ERAP2: variants seen among roughly 807,000 people sequenced by gnomAD.
The protein encoded by ERAP2 is endoplasmic reticulum aminopeptidase 2.
Under a neutral mutation model 111.1 loss-of-function variants are expected in ERAP2, and 118 were observed. The observed-to-expected ratio is 1.06, with a 90% CI of 0.92 to 1.24. The LOEUF (loss-of-function observed/expected upper bound fraction) is 1.24. ERAP2 is among the 50% of genes most tolerant of loss of function. The probability of loss-of-function intolerance (pLI) is 0.00; values close to 1 mark genes in which losing one functional copy is unlikely to be tolerated. For synonymous variants in ERAP2, 410 were observed against 401.2 expected (o/e 1.02, Z -0.26); for missense variants, 1,131 against 1,125.8 (o/e 1.00, Z -0.07).
chr5:96,877,481 T>C (rs938854953), intron 1 of ERAP2, among the ~76,000 whole-genome samples: 1 of 152,228 alleles, frequency 6.6e-6, no homozygotes, highest in South Asian at 2.1e-4. Context: ...AATAATTTCA[T>C]ATCCAACACT....
chr5:96,887,164 T>C (rs1166943543), intron 4 of ERAP2, among the ~76,000 whole-genome samples: 2 of 150,754 alleles, frequency 1.3e-5, no homozygotes, highest in African/African-American at 2.4e-5. Flanking sequence ...ATATTGACTA[T>C]TTTTAACCCA....
At chr5:96,877,888 C>T (rs1211455398) in intron 1 of ERAP2, among the ~76,000 whole-genome samples, 1 of 152,166 alleles carries the variant, frequency 6.6e-6, no homozygotes, top group East Asian at 1.9e-4. Context: ...GTTCCTTTAA[C>T]AATACCTGTC....
chr5:96,899,637 A>G (rs1000786131), intron 9 of ERAP2, among the ~76,000 whole-genome samples: 30 of 152,154 alleles, frequency 2.0e-4, no homozygotes, highest in African/African-American at 5.1e-4. Flanking sequence ...TACACTCATC[A>G]CATGCTGTTG....
intron 12 of ERAP2, among the ~76,000 whole-genome samples, chr5:96,903,161 T>C (rs920100485): frequency 6.6e-5 from 10 of 152,176 alleles, no homozygotes; most frequent in Non-Finnish European, 1.5e-4. Flanking sequence ...AATTCAGCAG[T>C]CTTATTCCTA....
At chr5:96,875,992 G>A (rs1782497092), upstream of ERAP2, 1 of 152,474 alleles carries the variant, frequency 6.6e-6, no homozygotes, top group Non-Finnish European at 1.5e-5. Context: ...ATGAGATACA[G>A]TCCCCTCGTG....
rs185035958 is a variant in ERAP2 at position 96,886,815 on chromosome 5, G to A, written c.849+26G>A. 2.5e-3 allele frequency: 3,482 copies of A among 1,417,662 alleles called. 26 individuals are homozygous for A. Among genetic ancestry groups the A allele is most frequent in the Middle Eastern group, 2.8e-3 (15 of 5,348 alleles). The allele number at this position is 1,417,662 out of a possible 1,614,324, so 87.8% of individuals were successfully genotyped here. Reference sequence around the variant, plus strand: ...GTGAGACTGAGTTCTAACGTTCTACGCAGTGCAGAAAAGTGTCCTGAGAGC... The same window carrying A: ...GTGAGACTGAGTTCTAACGTTCTACACAGTGCAGAAAAGTGTCCTGAGAGC... On this transcript the variant is annotated intron_variant, in intron 4 of 18. Coordinates refer to ENST00000437043, the MANE Select transcript of ERAP2 (RefSeq NM_022350.5).
chr5:96,893,396 CTAAA>C (rs1581837072), intron 6 of ERAP2, among the ~76,000 whole-genome samples: 2 of 152,162 alleles, frequency 1.3e-5, no homozygotes, highest in Admixed American at 1.3e-4. Flanking sequence ...AAGCAGTGAA[CTAAA>C]TACTCTGTTA....
chr5:96,906,134 T>G (rs1035008570), intron 13 of ERAP2, among the ~76,000 whole-genome samples: 2 of 152,052 alleles, frequency 1.3e-5, no homozygotes, highest in Non-Finnish European at 2.9e-5. Context: ...GACATTGTCA[T>G]CCAAGGGCTG....
chr5:96,895,062 G>A (rs1400745071), intron 6 of ERAP2, among the ~76,000 whole-genome samples, 184 bp from the exon 7 acceptor site: 3 of 152,000 alleles, frequency 2.0e-5, no homozygotes, highest in Non-Finnish European at 4.4e-5. Context: ...AAGCAAAAAT[G>A]TGGTGGTGAG....
intron 5 of ERAP2, 89 bp from the exon 6 acceptor site, chr5:96,892,210 A>C: frequency 7.5e-7 from 1 of 1,330,882 alleles, no homozygotes; most frequent in Non-Finnish European, 1.1e-6. Context: ...AAATATGCTT[A>C]AAGGATCATA....
In ERAP2 at chr5:96,889,336, T is replaced by G. The variant is rs761747571; in HGVS notation, c.970+31T>G. 5.0e-6 allele frequency: 8 copies of G among 1,613,080 alleles called. No homozygotes were observed. In the South Asian group the frequency reaches 8.8e-5, roughly 18 times the overall value. On this transcript the variant is annotated intron_variant, in intron 5 of 18. Transcript: ENST00000437043. ...TTCAAATTCCACATTATTGTCTTCA[T>G]TTTTGCTCATAAAACTTGCTTTGAT...
intron 3 of ERAP2, among the ~76,000 whole-genome samples, chr5:96,885,269 A>G (rs1020990560): frequency 3.9e-5 from 6 of 152,180 alleles, no homozygotes; most frequent in African/African-American, 9.6e-5. Flanking sequence ...GAAGACCACA[A>G]TAATACCCCA....
At position 96,897,151 on chromosome 5, in the gene ERAP2, T is replaced by A. The variant is rs143678851; in HGVS notation, c.1503+288T>A. Among the ~76,000 whole-genome samples the A allele has an allele frequency of 8.5e-5, 13 of 152,332 alleles. No individual in the cohort carries two copies. The East Asian group carries it at 2.1e-3, about 25-fold the overall frequency. On this transcript the variant is annotated intron_variant, in intron 9 of 18. Transcript: ENST00000437043. ...CCCTTGATCTAAAATCTTTAAAATG[T>A]TGTAATTTCTACCATATAACACCTA... is the stretch of plus-strand genomic sequence containing the variant.
At chr5:96,882,084 C>T (rs1243445016) in intron 2 of ERAP2, among the ~76,000 whole-genome samples, 2 of 152,212 alleles carry the variant, frequency 1.3e-5, no homozygotes, top group African/African-American at 4.8e-5. Context: ...CAACTCTTCC[C>T]CAGGCTCCTC....
chr5:96,885,025 A>T (rs897469682), intron 3 of ERAP2, among the ~76,000 whole-genome samples: 1 of 152,172 alleles, frequency 6.6e-6, no homozygotes, highest in African/African-American at 2.4e-5. Context: ...ATTTAAGGCA[A>T]TGTTAATCTA....
At chr5:96,906,468 A>G (rs1387594327) in intron 13 of ERAP2, among the ~76,000 whole-genome samples, 2 of 152,024 alleles carry the variant, frequency 1.3e-5, no homozygotes, top group Non-Finnish European at 2.9e-5. Context: ...GCGTCTGCCT[A>G]TGTTGTCCAG....
chr5:96,896,231 T>C (rs1227911123), intron 7 of ERAP2, 142 bp from the exon 8 acceptor site: 1 of 603,036 alleles, frequency 1.7e-6, no homozygotes, highest in Admixed American at 3.6e-5. Context: ...CAAAGGGGAA[T>C]ACATACAAGA....
chr5:96,889,356 T>G, intron 5 of ERAP2, 51 bp downstream of exon 5: 1 of 1,598,122 alleles, frequency 6.3e-7, no homozygotes, highest in South Asian at 1.1e-5. Flanking sequence ...TAAAACTTGC[T>G]TTGATCTCTT....
At chr5:96,916,757 C>T (rs1283679785) in intron 18 of ERAP2, among the ~76,000 whole-genome samples, 2 of 133,270 alleles carry the variant, frequency 1.5e-5, no homozygotes, top group African/African-American at 5.6e-5. Flanking sequence ...CGTGAGCCAC[C>T]AGCCTATCTT....
Sources: gnomAD v4.1 joint callset for allele counts (sites outside exome capture counted in the v4.1 genomes callset) on GRCh38, gnomAD v4.1.1 for gene constraint, MANE v1.5 for transcripts, NCBI Gene and HGNC (gene_info 2026-07-23, HGNC 2026-07-21) for gene names.